Variants in ALPK2 observed in about 807,000 individuals in gnomAD.
ALPK2 encodes the protein alpha kinase 2, also known as alpha-protein kinase 2.
In ALPK2, 127 loss-of-function variants were observed where a neutral mutation model predicts 163.1. The ratio of observed to expected loss-of-function variants is 0.78; its 90% CI spans 0.67 to 0.90. The LOEUF (loss-of-function observed/expected upper bound fraction) is 0.90. Among genes scored for constraint, ALPK2 ranks in the 40% least tolerant of loss-of-function variants. The probability of loss-of-function intolerance (pLI) is 0.00; values close to 1 mark genes in which losing one functional copy is unlikely to be tolerated. For missense variants in ALPK2, 2,360 were observed against 2,589.6 expected, an observed-to-expected ratio of 0.91 and a Z score of 1.92; for synonymous variants, 953 against 959.1, an observed-to-expected ratio of 0.99 and a Z score of 0.12.
Position 58,579,660 on chromosome 18 carries a change from A to C in ALPK2, c.1116T>G (p.Gly372=). 1 of 1,613,794 alleles carries C rather than the reference A, an allele frequency of 6.2e-7. No individual in the cohort carries two copies. The highest frequency in any genetic ancestry group is 2.2e-5 in the East Asian group (1 of 44,870). ...TTCCACTGAGGAAATGCTCACACCC[A>C]CCCAGGCAATGCTCACCGAATTCCA... The part of the protein sequence containing the change: ...EEMEFGEHCL[G]GCEHFLSGMG... The change falls in exon 4 of 13, where the codon GGT becomes GGG. Residue 372 remains glycine (G), a synonymous_variant. Transcript: ENST00000361673.
intron 1 of ALPK2, among the ~76,000 whole-genome samples, chr18:58,615,859 G>A (rs1252907202): frequency 2.0e-5 from 3 of 152,228 alleles, no homozygotes; most frequent in Non-Finnish European, 4.4e-5. Flanking sequence ...CTTCCTGACA[G>A]TGTTGTCCCA....
chr18:58,606,601 C>T (rs1156303233), intron 3 of ALPK2, among the ~76,000 whole-genome samples: 1 of 152,002 alleles, frequency 6.6e-6, no homozygotes, highest in Non-Finnish European at 1.5e-5. Context: ...TTTTTTAAAT[C>T]TCAGACTCAA....
chr18:58,550,333 C>CAT (rs2051745189), intron 4 of ALPK2, among the ~76,000 whole-genome samples: 4 of 4,786 alleles, frequency 8.4e-4, no homozygotes, highest in East Asian at 5.2e-3. Flanking sequence ...CCTATCCCTG[C>CAT]CTTCATCATG....
In ALPK2 at chr18:58,537,016, C is replaced by T. The variant is rs886083436; in HGVS notation, c.3171G>A (p.Leu1057=). Residue 1057 remains leucine (L), a synonymous_variant, in exon 5 of 13, where the codon TTG becomes TTA. Transcript: ENST00000361673. ...TGGTAGCACCACTTAAAATATGATC[C>T]AACTGCACTTGGGAAGGAAATTGGG... The part of the protein sequence containing the change: ...KVSQFPSQVQ[L]DHILSGATIK... 1.9e-6 allele frequency: 3 copies of T among 1,613,740 alleles called. No homozygotes were observed. Among genetic ancestry groups the T allele is most frequent in the African/African-American group, 2.7e-5 (2 of 74,904 alleles).
chr18:58,624,297 T>C (rs2144244815), intron 1 of ALPK2, among the ~76,000 whole-genome samples: 1 of 152,334 alleles, frequency 6.6e-6, no homozygotes, highest in African/African-American at 2.4e-5. Context: ...CTTGAGACCG[T>C]GCTAAAGCTG....
intron 3 of ALPK2, among the ~76,000 whole-genome samples, chr18:58,601,723 CAATCCGTA>C: frequency 6.6e-6 from 1 of 152,272 alleles, no homozygotes; most frequent in East Asian, 1.9e-4. Context: ...CCAGCCCAGC[CAATCCGTA>C]AATGGACTTG....
chr18:58,578,786 C>T (rs973790881), intron 4 of ALPK2, 28 bp downstream of exon 4: 15 of 1,458,148 alleles, frequency 1.0e-5, no homozygotes, highest in Middle Eastern at 1.8e-4. Flanking sequence ...CTTTTTATCT[C>T]GTAATTTCTT....
chr18:58,591,201 C>A (rs954143314), intron 3 of ALPK2, among the ~76,000 whole-genome samples: 2 of 152,172 alleles, frequency 1.3e-5, no homozygotes, highest in African/African-American at 4.8e-5. Context: ...TGCAACCCTG[C>A]ACTAAATGCT....
chr18:58,618,579 C>T (rs2052182155), intron 1 of ALPK2, among the ~76,000 whole-genome samples: 1 of 152,190 alleles, frequency 6.6e-6, no homozygotes, highest in East Asian at 1.9e-4. Flanking sequence ...CTATGTAATG[C>T]TCTTCTGAAT....
intron 12 of ALPK2, among the ~76,000 whole-genome samples, chr18:58,494,343 C>T (rs1020622969): frequency 2.0e-5 from 3 of 151,894 alleles, no homozygotes; most frequent in Admixed American, 6.6e-5. Flanking sequence ...ATCTCTGGCT[C>T]CCAAGAGAAA....
At chr18:58,598,990 T>A (rs550546279) in intron 3 of ALPK2, among the ~76,000 whole-genome samples, 50 of 152,234 alleles carry the variant, frequency 3.3e-4, no homozygotes, top group African/African-American at 1.2e-3. Context: ...TAGTGATTGG[T>A]GCACCTTTCC....
intron 4 of ALPK2, among the ~76,000 whole-genome samples, chr18:58,570,030 C>A (rs763186807): frequency 6.6e-6 from 1 of 151,398 alleles, no homozygotes; most frequent in African/African-American, 2.4e-5. Flanking sequence ...CTCGGAAGGC[C>A]GAGGCAGGAG....
At chr18:58,524,634 G>C (rs2051574689) in intron 6 of ALPK2, among the ~76,000 whole-genome samples, 1 of 152,152 alleles carries the variant, frequency 6.6e-6, no homozygotes. Context: ...TCATATTGGT[G>C]GTGATGATGA....
intron 12 of ALPK2, among the ~76,000 whole-genome samples, chr18:58,485,908 A>G (rs2051336574): frequency 6.6e-6 from 1 of 152,212 alleles, no homozygotes. Flanking sequence ...CATTTGCATC[A>G]GGACTGCCTC....
intron 4 of ALPK2, among the ~76,000 whole-genome samples, chr18:58,539,290 T>C (rs1196776386): frequency 6.6e-6 from 1 of 151,866 alleles, no homozygotes; most frequent in Non-Finnish European, 1.5e-5. Flanking sequence ...AGACCACCTC[T>C]ACAGGAAATA....
intron 11 of ALPK2, among the ~76,000 whole-genome samples, chr18:58,499,762 C>T (rs2051421951): frequency 6.6e-6 from 1 of 152,284 alleles, no homozygotes; most frequent in African/African-American, 2.4e-5. Context: ...GCTGTGAGCA[C>T]TGGCATTCCC....
In ALPK2 at chr18:58,579,689, C is replaced by G; in HGVS notation, c.1087G>C (p.Glu363Gln). ...HVFLLESDDE[E>Q]MEFGEHCLGG... ...AGGCAATGCTCACCGAATTCCATCT[C>G]TTCGTCATCGCTTTCTAATAAAAAA... is the stretch of plus-strand genomic sequence containing the variant. The change falls in exon 4 of 13, where the codon GAG becomes CAG. Residue 363 changes from glutamate to glutamine, a missense_variant. Coordinates refer to ENST00000361673, the MANE Select transcript of ALPK2 (RefSeq NM_052947.4). The G allele has an allele frequency of 2.5e-6, 4 of 1,614,158 alleles. No homozygotes were observed. The highest frequency in any genetic ancestry group is 3.4e-6 in the Non-Finnish European group (4 of 1,180,036).
chr18:58,538,533 G>A, intron 4 of ALPK2: 1 of 318,872 alleles, frequency 3.1e-6, no homozygotes, highest in Non-Finnish European at 5.8e-6. Context: ...TAAATCGAAT[G>A]TTAACTGTTT....
chr18:58,594,917 T>C (rs572350693), intron 3 of ALPK2, among the ~76,000 whole-genome samples: 2 of 152,284 alleles, frequency 1.3e-5, no homozygotes, highest in South Asian at 4.1e-4. Context: ...CCCTGAGTCT[T>C]CTCCAGAGGA....
Sources: allele counts gnomAD v4.1 joint callset (sites outside exome capture counted in the v4.1 genomes callset), GRCh38; gene constraint gnomAD v4.1.1; transcripts MANE v1.5; gene names NCBI Gene and HGNC (gene_info 2026-07-23, HGNC 2026-07-21).